The following ARHGEF7 variants were observed in gnomAD, a reference collection of about 807,000 sequenced individuals.
ARHGEF7 encodes Rho guanine nucleotide exchange factor 7, also known as PAK-interacting exchange factor beta.
A neutral mutation model predicts 109.8 loss-of-function variants in ARHGEF7; 33 were observed. That is an observed-to-expected ratio of 0.30 (90% confidence interval 0.23 to 0.40). ARHGEF7 has a LOEUF of 0.40. ARHGEF7 is among the 10% of genes least tolerant of loss of function. ARHGEF7 has a pLI of 1.00. For missense variants in ARHGEF7, 938 were observed against 1,098.5 expected (o/e 0.85, Z 2.07); for synonymous variants, 458 against 424.6 (o/e 1.08, Z -0.97).
intron 2 of ARHGEF7, among the ~76,000 whole-genome samples, chr13:111,189,859 G>C (rs1276774083): frequency 6.6e-6 from 1 of 152,136 alleles, no homozygotes; most frequent in East Asian, 1.9e-4. Context: ...AGTGCTTATT[G>C]GTGTGTTTAC....
intron 21 of ARHGEF7, 138 bp downstream of exon 21, chr13:111,301,670 A>G: frequency 3.2e-6 from 2 of 620,420 alleles, no homozygotes; most frequent in East Asian, 3.0e-5. Context: ...AGGTGGACAG[A>G]TCACCTGAGG....
intron 1 of ARHGEF7, among the ~76,000 whole-genome samples, chr13:111,130,721 G>T (rs1270047328): frequency 6.6e-6 from 1 of 152,246 alleles, no homozygotes; most frequent in Non-Finnish European, 1.5e-5. Flanking sequence ...TGCGCTGAAG[G>T]CAAGAGACAG....
At chr13:111,288,166 CATTT>C (rs2093107181) in intron 17 of ARHGEF7, among the ~76,000 whole-genome samples, 184 bp from the exon 18 acceptor site, 1 of 152,066 alleles carries the variant, frequency 6.6e-6, no homozygotes, top group African/African-American at 2.4e-5. Context: ...TTTTTATTTG[CATTT>C]ATTTTATTTT....
At position 111,305,663 on chromosome 13, in the gene ARHGEF7, C is replaced by T. The variant is rs1003530885; in HGVS notation, c.*2550C>T. 2.0e-5 allele frequency: 3 copies of T among 152,234 alleles called. No homozygotes were observed. Among genetic ancestry groups the T allele is most frequent in the Non-Finnish European group, 2.9e-5 (2 of 68,060 alleles). The allele number at this position is 152,234 out of a possible 1,614,324, so 9.4% of individuals were successfully genotyped here. A position where few individuals can be genotyped will look rare whatever the true frequency, so the allele number is the denominator to read the frequency against. The stretch of plus-strand genomic sequence containing the variant: ...TAATTTAAATGTCACAGACAATGTC[C>T]TAGTGTTGACTACTACAATGTTGAT... On this transcript the variant is annotated 3_prime_UTR_variant, in exon 22 of 22. Transcript: ENST00000646102.
At chr13:111,233,371 A>G in intron 6 of ARHGEF7, 78 bp downstream of exon 6, 1 of 1,100,062 alleles carries the variant, frequency 9.1e-7, no homozygotes, top group South Asian at 1.3e-5. Flanking sequence ...ATGTAGTGTA[A>G]AGTACCTAGA....
chr13:111,275,966 C>G, intron 12 of ARHGEF7: 1 of 402,700 alleles, frequency 2.5e-6, no homozygotes, highest in South Asian at 2.2e-5. Flanking sequence ...TGCAGGAGTC[C>G]TGTGCACACA....
At chr13:111,235,468 A>C (rs9515397) in intron 6 of ARHGEF7, among the ~76,000 whole-genome samples, 1 of 152,046 alleles carries the variant, frequency 6.6e-6, no homozygotes, top group African/African-American at 2.4e-5. Context: ...ACTCTTTCAT[A>C]CAGAATGATG....
intron 2 of ARHGEF7, among the ~76,000 whole-genome samples, chr13:111,194,083 G>A (rs1223470954): frequency 6.6e-6 from 1 of 152,138 alleles, no homozygotes; most frequent in East Asian, 1.9e-4. Context: ...CGCTAAGACG[G>A]CCACCGCCGC....
rs1161459903 is a variant in ARHGEF7 at position 111,134,297 on chromosome 13, G to T, written c.165+18606G>T. Reference sequence around the variant, plus strand: ...TAGCAGCATGATTTATATTCCTTTGGGTATATACCCAGTAATGGGATGGCT... The same window carrying T: ...TAGCAGCATGATTTATATTCCTTTGTGTATATACCCAGTAATGGGATGGCT... On this transcript the variant is annotated intron_variant, in intron 1 of 21. Transcript: ENST00000646102. Among the ~76,000 whole-genome samples, 4 of 152,186 alleles carry T rather than the reference G, an allele frequency of 2.6e-5. No individual in the cohort carries two copies. The East Asian group carries it at 7.7e-4, about 29-fold the overall frequency.
At chr13:111,153,552 G>C (rs911333456) in intron 1 of ARHGEF7, 43 of 950,204 alleles carry the variant, frequency 4.5e-5, no homozygotes, top group Admixed American at 1.2e-4. Flanking sequence ...GCAGCTCGCC[G>C]GCAAAGCAGG....
chr13:111,221,235 A>T (rs2083882051), intron 5 of ARHGEF7, among the ~76,000 whole-genome samples: 1 of 51,984 alleles, frequency 1.9e-5, no homozygotes, highest in Non-Finnish European at 3.7e-5. Flanking sequence ...ATCTATATAG[A>T]TATATATGTC....
intron 8 of ARHGEF7, among the ~76,000 whole-genome samples, chr13:111,250,341 C>T (rs2089582400): frequency 6.6e-6 from 1 of 152,238 alleles, no homozygotes; most frequent in African/African-American, 2.4e-5. Flanking sequence ...GCACACGCTG[C>T]CACCACGTGC....
chr13:111,304,638 G>C lies in ARHGEF7; in HGVS notation c.*1525G>C, dbSNP rs767782134. The C allele has an allele frequency of 3.3e-5, 5 of 152,220 alleles. No individual in the cohort carries two copies. The highest frequency in any genetic ancestry group is 5.9e-5 in the Non-Finnish European group (4 of 68,056). 9.4% of individuals were successfully genotyped at this position (152,220 alleles called of 1,614,324 possible). A position where few individuals can be genotyped will look rare whatever the true frequency, so the allele number is the denominator to read the frequency against. ...CACCTTGGGAGAGTGTTGTGTTGCT[G>C]TTTACGGTTCTTCCTTGCCCTTGCT... is the stretch of plus-strand genomic sequence containing the variant. On this transcript the variant is annotated 3_prime_UTR_variant, in exon 22 of 22. Transcript: ENST00000646102.
chr13:111,207,730 A>G (rs182369698), intron 3 of ARHGEF7, among the ~76,000 whole-genome samples: 2 of 152,174 alleles, frequency 1.3e-5, no homozygotes, highest in African/African-American at 4.8e-5. Flanking sequence ...GGGATTGTCA[A>G]CCATCTAGGT....
At chr13:111,209,184 A>G (rs2082217377) in intron 3 of ARHGEF7, 1 of 151,496 alleles carries the variant, frequency 6.6e-6, no homozygotes. Context: ...AGTTTTTCAC[A>G]GCCTCATTCT....
At chr13:111,155,747 C>T (rs907921232) in intron 2 of ARHGEF7, among the ~76,000 whole-genome samples, 1 of 152,180 alleles carries the variant, frequency 6.6e-6, no homozygotes, top group Admixed American at 6.5e-5. Flanking sequence ...GATTATCTGA[C>T]TTTAGTGTAA....
intron 3 of ARHGEF7, among the ~76,000 whole-genome samples, chr13:111,206,879 G>T (rs563986756): frequency 2.6e-3 from 397 of 150,524 alleles, no homozygotes; most frequent in Non-Finnish European, 4.5e-3. Context: ...GGAGAATGGC[G>T]TGAACCCGGG....
At chr13:111,120,807 G>A (rs1188567717) in intron 1 of ARHGEF7, among the ~76,000 whole-genome samples, 1 of 152,170 alleles carries the variant, frequency 6.6e-6, no homozygotes, top group Non-Finnish European at 1.5e-5. Flanking sequence ...GCTGTCCCTC[G>A]CAATACCCAT....
At chr13:111,288,546 T>G (rs2093125697) in intron 18 of ARHGEF7, 103 bp downstream of exon 18, 2 of 757,938 alleles carry the variant, frequency 2.6e-6, no homozygotes, top group African/African-American at 3.5e-5. Context: ...GCACAGCCCA[T>G]GCGCCTGACC....
Sources: allele counts gnomAD v4.1 joint callset (sites outside exome capture counted in the v4.1 genomes callset), GRCh38; gene constraint gnomAD v4.1.1; transcripts MANE v1.5; gene names NCBI Gene and HGNC (gene_info 2026-07-23, HGNC 2026-07-21).